The following SETD9 variants were observed in gnomAD, a reference collection of about 807,000 sequenced individuals.
SETD9 encodes the protein SET domain-containing protein 9.
SETD9 carries 37 observed loss-of-function variants against 36.4 expected under a neutral mutation model. That is an observed-to-expected ratio of 1.02 (90% confidence interval 0.78 to 1.34). The LOEUF is 1.34. SETD9 is among the 40% of genes most tolerant of loss of function. SETD9 has a pLI of 0.00. For missense variants in SETD9, 323 were observed against 353.2 expected (o/e 0.91, Z 0.69); for synonymous variants, 128 against 132.9 (o/e 0.96, Z 0.26).
At chr5:56,916,688 C>G in intron 5 of SETD9, 127 bp from the exon 6 acceptor site, 1 of 855,996 alleles carries the variant, frequency 1.2e-6, no homozygotes, top group Middle Eastern at 3.3e-4. Context: ...TCATGGAAAT[C>G]AAATGCATAA....
chr5:56,913,765 T>TC, intron 3 of SETD9, 109 bp from the exon 4 acceptor site: 2 of 366,942 alleles, frequency 5.5e-6, no homozygotes, highest in Non-Finnish European at 9.2e-6. Context: ...ACTAAAGTCT[T>TC]TTTTTTTTTT....
At chr5:56,918,097 G>T (rs1450404911), downstream of SETD9, among the ~76,000 whole-genome samples, 1 of 151,688 alleles carries the variant, frequency 6.6e-6, no homozygotes, top group Non-Finnish European at 1.5e-5. Flanking sequence ...ACATACGTCT[G>T]CTCAAAACCC....
chr5:56,917,807 G>T (rs78478687), downstream of SETD9, among the ~76,000 whole-genome samples: 1 of 152,136 alleles, frequency 6.6e-6, no homozygotes, highest in Non-Finnish European at 1.5e-5. Flanking sequence ...CTACCTTCCC[G>T]TTTTATTAGC....
At chr5:56,916,716 C>A in intron 5 of SETD9, 99 bp from the exon 6 acceptor site, 1 of 1,238,938 alleles carries the variant, frequency 8.1e-7, no homozygotes, top group East Asian at 2.6e-5. Context: ...TGGAAGGAAC[C>A]TGAGTAAAGT....
chr5:56,911,242 A>G lies in SETD9; in HGVS notation c.172A>G (p.Lys58Glu), dbSNP rs1561217190. Residue 58 changes from lysine (K) to glutamate (E), a missense_variant, in exon 2 of 6, where the codon AAA (lysine) becomes GAA (glutamate). Transcript: ENST00000285947. ...SDEDVLGTLLKVFQALFLNDF... is the reference protein window; with the variant it reads ...SDEDVLGTLLEVFQALFLNDF... ...TGAAGATGTCCTAGGAACATTACTG[A>G]AAGTTTTCCAGGCTCTATTCTTAAA... is the stretch of plus-strand genomic sequence containing the variant. 4 of 1,606,298 alleles carry G rather than the reference A, an allele frequency of 2.5e-6. No individual in the cohort carries two copies. Among genetic ancestry groups the G allele is most frequent in the East Asian group, 4.5e-5 (2 of 44,860 alleles).
intron 1 of SETD9, chr5:56,910,042 C>T (rs1253541027): frequency 1.5e-6 from 2 of 1,319,656 alleles, no homozygotes; most frequent in Non-Finnish European, 1.9e-6. Context: ...TCCCAGTGTC[C>T]GCTGCGCTGC....
chr5:56,913,535 C>T (rs1234292588), intron 3 of SETD9, among the ~76,000 whole-genome samples: 1 of 151,962 alleles, frequency 6.6e-6, no homozygotes, highest in African/African-American at 2.4e-5. Flanking sequence ...AGGTGTGCAC[C>T]ACCAGGCCCA....
intron 4 of SETD9, 72 bp downstream of exon 4, chr5:56,914,061 A>G: frequency 8.9e-7 from 1 of 1,125,868 alleles, no homozygotes; most frequent in Non-Finnish European, 1.3e-6. Flanking sequence ...CATATGACTG[A>G]GTGCCAAGGG....
downstream of SETD9, chr5:56,920,407 C>T (rs1023460311): frequency 1.3e-5 from 2 of 152,216 alleles, no homozygotes; most frequent in Non-Finnish European, 2.9e-5. Context: ...AACTGCTCAC[C>T]ATGAATTTTT....
intron 1 of SETD9, chr5:56,910,889 A>G (rs1749083118): frequency 4.6e-6 from 1 of 219,370 alleles, no homozygotes; most frequent in Non-Finnish European, 9.1e-6. Context: ...TTCCCTAACA[A>G]TTTTGCTTTC....
chr5:56,923,544 C>T (rs1449693628), intron 5 of SETD9: 1 of 1,614,100 alleles, frequency 6.2e-7, no homozygotes, highest in Admixed American at 1.7e-5. Context: ...AAACAATTCA[C>T]ATCTGTGGGG....
chr5:56,912,768 T>C (rs1561218796), intron 2 of SETD9, among the ~76,000 whole-genome samples: 1 of 152,224 alleles, frequency 6.6e-6, no homozygotes, highest in Admixed American at 6.5e-5. Context: ...TATATGTATA[T>C]ATATGACTTT....
Position 56,911,459 on chromosome 5 carries a change from C to T in SETD9, c.389C>T (p.Ser130Leu). ...LGFSVAQATS[S>L]LISAGKGVFV... Reference sequence around the variant, plus strand: ...TTCAGTGTTGCCCAAGCAACTAGCTCATTGATTTCTGCTGGAAAAGGTGTC... The same window carrying T: ...TTCAGTGTTGCCCAAGCAACTAGCTTATTGATTTCTGCTGGAAAAGGTGTC... Residue 130 changes from serine (S) to leucine (L), a missense_variant, in exon 2 of 6, where the codon TCA becomes TTA. Ser to Leu is a moderately radical substitution (Grantham distance 145, BLOSUM62 -2). Coordinates refer to ENST00000285947, the MANE Select transcript of SETD9 (RefSeq NM_153706.4). The T allele has an allele frequency of 1.9e-6, 3 of 1,609,736 alleles. No individual in the cohort carries two copies. The highest frequency in any genetic ancestry group is 2.5e-6 in the Non-Finnish European group (3 of 1,178,748).
In SETD9 at chr5:56,917,018, T is replaced by A; in HGVS notation, c.*116T>A. The A allele has an allele frequency of 7.3e-7, 1 of 1,363,506 alleles. No individual in the cohort carries two copies. The highest frequency in any genetic ancestry group is 9.4e-7 in the Non-Finnish European group (1 of 1,062,518). The allele number at this position is 1,363,506 out of a possible 1,614,324, so 84.5% of individuals were successfully genotyped here. A position where few individuals can be genotyped will look rare whatever the true frequency, so the allele number is the denominator to read the frequency against. ...CAAATATTTTGAGACTTAATTGGAA[T>A]AGGAATTTCTTATGTTTTTGTTGAT... is the stretch of plus-strand genomic sequence containing the variant. On this transcript the variant is annotated 3_prime_UTR_variant, in exon 6 of 6. Coordinates refer to ENST00000285947, the MANE Select transcript of SETD9 (RefSeq NM_153706.4).
At position 56,917,028 on chromosome 5, in the gene SETD9, TTATG is replaced by T. The variant is rs1749467321; in HGVS notation, c.*128_*131del. 3 of 1,353,132 alleles carry T rather than the reference TTATG, an allele frequency of 2.2e-6. No individual in the cohort carries two copies. In the African/African-American group the frequency reaches 4.6e-5, roughly 21 times the overall value. The allele number at this position is 1,353,132 out of a possible 1,614,324, so 83.8% of individuals were successfully genotyped here. A position where few individuals can be genotyped will look rare whatever the true frequency, so the allele number is the denominator to read the frequency against. On this transcript the variant is annotated 3_prime_UTR_variant, in exon 6 of 6. Transcript: ENST00000285947. Reference sequence around the variant, plus strand: ...GAGACTTAATTGGAATAGGAATTTCTTATGTTTTTGTTGATATTATATTTATGTT... The same window carrying T: ...GAGACTTAATTGGAATAGGAATTTCTTTTTTGTTGATATTATATTTATGTT...
intron 5 of SETD9, chr5:56,925,254 G>C: frequency 2.3e-6 from 1 of 429,776 alleles, no homozygotes; most frequent in Non-Finnish European, 4.6e-6. Context: ...GGAAGGTCTA[G>C]CTAATGCAGT....
rs369078198 is a variant in SETD9 at position 56,911,234 on chromosome 5, C to A, written c.164C>A (p.Thr55Lys). 6.9e-6 allele frequency: 11 copies of A among 1,603,342 alleles called. No homozygotes were observed. Among genetic ancestry groups the A allele is most frequent in the African/African-American group, 1.3e-5 (1 of 74,494 alleles). ...ATCTCAGATGAAGATGTCCTAGGAA[C>A]ATTACTGAAAGTTTTCCAGGCTCTA... ...KVISDEDVLG[T>K]LLKVFQALFL... The change falls in exon 2 of 6, where the codon ACA (threonine) becomes AAA (lysine). Residue 55 changes from threonine (T) to lysine (K), a missense_variant. Physicochemically the swap from Thr to Lys is moderately conservative, Grantham distance 78 (BLOSUM62 -1). Transcript: ENST00000285947.
At chr5:56,913,594 G>A (rs1579812581) in intron 3 of SETD9, among the ~76,000 whole-genome samples, 1 of 151,812 alleles carries the variant, frequency 6.6e-6, no homozygotes, top group Non-Finnish European at 1.5e-5. Flanking sequence ...ATGTTGGCCA[G>A]GCTGGTCTCG....
At chr5:56,911,581 T>C in intron 2 of SETD9, 45 bp downstream of exon 2, 1 of 1,481,576 alleles carries the variant, frequency 6.7e-7, no homozygotes, top group Non-Finnish European at 8.9e-7. Flanking sequence ...TTCTTACGTA[T>C]TGATAAACAT....
Sources: allele counts gnomAD v4.1 joint callset (sites outside exome capture counted in the v4.1 genomes callset), GRCh38; gene constraint gnomAD v4.1.1; transcripts MANE v1.5; gene names NCBI Gene and HGNC (gene_info 2026-07-23, HGNC 2026-07-21).